DOCK8: variants seen among roughly 807,000 people sequenced by gnomAD.
DOCK8 encodes dedicator of cytokinesis 8, also known as dedicator of cytokinesis protein 8.
In DOCK8, 141 loss-of-function variants were observed where a neutral mutation model predicts 245.6. The observed-to-expected ratio is 0.57, with a 90% CI of 0.50 to 0.66. DOCK8 has a LOEUF of 0.66. DOCK8 is among the 30% of genes least tolerant of loss of function. DOCK8 has a pLI of 0.00. For missense variants in DOCK8, 2,965 were observed against 2,603.4 expected (o/e 1.14, Z -3.02); for synonymous variants, 1,168 against 970.2 (o/e 1.20, Z -3.79).
In DOCK8 at chr9:446,399, C is replaced by T; in HGVS notation, c.5610C>T (p.Pro1870=). The change falls in exon 44 of 48, where the codon CCC becomes CCT. Residue 1870 remains proline, a synonymous_variant. Transcript: ENST00000432829. ...ACATACAGATCACTTTTGTGGAGCC[C>T]TACTTTGATGAGTATGAGATGAAAG... The part of the protein sequence containing the change: ...KAYIQITFVE[P]YFDEYEMKDR... 2 of 1,614,228 alleles carry T rather than the reference C, an allele frequency of 1.2e-6. No homozygotes were observed. Among genetic ancestry groups the T allele is most frequent in the Non-Finnish European group, 1.7e-6 (2 of 1,180,046 alleles).
intron 39 of DOCK8, among the ~76,000 whole-genome samples, chr9:435,935 G>A (rs932095012): frequency 3.3e-5 from 5 of 152,168 alleles, no homozygotes; most frequent in African/African-American, 1.2e-4. Flanking sequence ...CCAGACTCAC[G>A]AAGTCATTTA....
At chr9:361,091 C>G (rs750059998) in intron 14 of DOCK8, among the ~76,000 whole-genome samples, 1 of 152,138 alleles carries the variant, frequency 6.6e-6, no homozygotes, top group Non-Finnish European at 1.5e-5. Context: ...CGCTTGAGCC[C>G]AGAAAGTTGA....
chr9:400,887 C>CCACCGT (rs2054988889), intron 26 of DOCK8, among the ~76,000 whole-genome samples: 1 of 100,342 alleles, frequency 1.0e-5, no homozygotes, highest in South Asian at 3.6e-4. Context: ...ACCTCCACCA[C>CCACCGT]CACCACCTCC....
At chr9:355,388 G>T (rs892026261) in intron 14 of DOCK8, among the ~76,000 whole-genome samples, 3 of 151,876 alleles carry the variant, frequency 2.0e-5, no homozygotes, top group Admixed American at 1.3e-4. Context: ...TATTTTAGTA[G>T]AGACTGGGTT....
intron 5 of DOCK8, among the ~76,000 whole-genome samples, chr9:311,201 C>G (rs2130685528): frequency 6.6e-6 from 1 of 151,778 alleles, no homozygotes; most frequent in African/African-American, 2.4e-5. Context: ...AGGAGAATTG[C>G]TTGAACCTGG....
chr9:411,161 C>T (rs908361698), intron 28 of DOCK8, among the ~76,000 whole-genome samples: 1 of 152,132 alleles, frequency 6.6e-6, no homozygotes, highest in African/African-American at 2.4e-5. Context: ...ACCTGTAATC[C>T]CAGCACTTTG....
At chr9:234,265 A>C (rs892536531) in intron 1 of DOCK8, among the ~76,000 whole-genome samples, 5 of 152,196 alleles carry the variant, frequency 3.3e-5, no homozygotes, top group African/African-American at 4.8e-5. Context: ...CCAAGAGATC[A>C]GCTCTTAGTC....
chr9:386,809 C>CTA (rs2053975502), intron 23 of DOCK8, among the ~76,000 whole-genome samples: 1 of 152,200 alleles, frequency 6.6e-6, no homozygotes, highest in Non-Finnish European at 1.5e-5. Context: ...CATTGGCCTC[C>CTA]TTTTAGTAGA....
At chr9:379,494 T>A (rs10973142) in intron 20 of DOCK8, among the ~76,000 whole-genome samples, 2 of 151,882 alleles carry the variant, frequency 1.3e-5, no homozygotes, top group Non-Finnish European at 2.9e-5. Flanking sequence ...ACAACCTGGC[T>A]TAGAGAAGGA....
At chr9:304,216 C>G (rs949011395) in intron 4 of DOCK8, among the ~76,000 whole-genome samples, 2 of 152,202 alleles carry the variant, frequency 1.3e-5, no homozygotes, top group African/African-American at 4.8e-5. Context: ...TTCAAACGAT[C>G]TCTATTTGTG....
chr9:284,689 A>G (rs189009206), intron 2 of DOCK8: 1 of 152,358 alleles, frequency 6.6e-6, no homozygotes, highest in Admixed American at 6.5e-5. Flanking sequence ...CATGGAATCA[A>G]CTTAAATGCC....
chr9:215,369 G>A (rs1334997096), intron 1 of DOCK8: 6 of 1,592,086 alleles, frequency 3.8e-6, no homozygotes, highest in Admixed American at 1.8e-5. Flanking sequence ...CTGGGTAACC[G>A]TGTTGGGCGC....
chr9:240,572 T>C (rs752214920), intron 1 of DOCK8, among the ~76,000 whole-genome samples: 1 of 152,204 alleles, frequency 6.6e-6, no homozygotes, highest in Non-Finnish European at 1.5e-5. Context: ...GAGCTATTAA[T>C]GTATTATGGA....
chr9:396,405 C>G (rs1000396929), intron 24 of DOCK8, among the ~76,000 whole-genome samples: 2 of 152,168 alleles, frequency 1.3e-5, no homozygotes, highest in Non-Finnish European at 2.9e-5. Flanking sequence ...ATAAACTGTT[C>G]CTTTCTGAGT....
rs2055451899 is a variant in DOCK8 at position 406,928 on chromosome 9, A to G, written c.3391-2A>G. 1.2e-6 allele frequency: 2 copies of G among 1,614,122 alleles called. No individual in the cohort carries two copies. The highest frequency in any genetic ancestry group is 1.7e-5 in the Admixed American group (1 of 60,014). On this transcript the variant is annotated splice_acceptor_variant, in intron 27 of 47. Transcript: ENST00000432829. LOFTEE classifies it high-confidence loss of function. ...ATAAAATGGCTCCTTACGTTTCTGTAGAACTCAAGCTCCTGCTCCAGCTTC... is the reference window on the plus strand; with the variant it reads ...ATAAAATGGCTCCTTACGTTTCTGTGGAACTCAAGCTCCTGCTCCAGCTTC...
chr9:323,040 C>T (rs1033950318), intron 7 of DOCK8, among the ~76,000 whole-genome samples: 1 of 150,588 alleles, frequency 6.6e-6, no homozygotes, highest in Admixed American at 6.6e-5. Flanking sequence ...TTGCAGTGAG[C>T]CGAGGTTGCA....
intron 2 of DOCK8, among the ~76,000 whole-genome samples, chr9:279,960 T>C (rs1190116955): frequency 1.3e-5 from 2 of 152,196 alleles, no homozygotes; most frequent in Non-Finnish European, 2.9e-5. Flanking sequence ...AAATATTGTT[T>C]AGATTTGTGG....
chr9:228,111 CT>C (rs1227791713), intron 1 of DOCK8, among the ~76,000 whole-genome samples: 1 of 152,090 alleles, frequency 6.6e-6, no homozygotes, highest in Non-Finnish European at 1.5e-5. Context: ...GAGGCCACTC[CT>C]TTAAAAAGCC....
chr9:264,527 C>G (rs1477538215), intron 1 of DOCK8, among the ~76,000 whole-genome samples: 1 of 152,144 alleles, frequency 6.6e-6, no homozygotes, highest in East Asian at 1.9e-4. Context: ...ACGATAAAAC[C>G]TGAAATAATC....
Sources: allele counts gnomAD v4.1 joint callset (sites outside exome capture counted in the v4.1 genomes callset), GRCh38; gene constraint gnomAD v4.1.1; transcripts MANE v1.5; gene names NCBI Gene and HGNC (gene_info 2026-07-23, HGNC 2026-07-21).